Variants in NEDD4L observed in about 807,000 individuals in gnomAD.
NEDD4L encodes the protein NEDD4 like E3 ubiquitin protein ligase.
A neutral mutation model predicts 148.9 loss-of-function variants in NEDD4L; 54 were observed. That is an observed-to-expected ratio of 0.36 (90% CI 0.29 to 0.45). NEDD4L has a LOEUF of 0.45. Among genes scored for constraint, NEDD4L ranks in the 20% least tolerant of loss-of-function variants. The pLI is 1.00. For synonymous variants in NEDD4L, 433 were observed against 440.7 expected, an observed-to-expected ratio of 0.98 and a Z score of 0.22; for missense variants, 856 against 1,233.8, an observed-to-expected ratio of 0.69 and a Z score of 4.59.
At chr18:58,197,427 C>T (rs1020517106) in intron 2 of NEDD4L, among the ~76,000 whole-genome samples, 2 of 152,076 alleles carry the variant, frequency 1.3e-5, no homozygotes, top group Admixed American at 6.5e-5. Flanking sequence ...TCCTGAGACA[C>T]CCCCGTTTGC....
At chr18:58,121,565 T>C (rs2029902428) in intron 1 of NEDD4L, among the ~76,000 whole-genome samples, 1 of 152,090 alleles carries the variant, frequency 6.6e-6, no homozygotes. Flanking sequence ...CCACTACAGC[T>C]GGCTAATTAA....
intron 5 of NEDD4L, among the ~76,000 whole-genome samples, chr18:58,299,219 C>T (rs1251252857): frequency 6.6e-6 from 1 of 152,240 alleles, no homozygotes; most frequent in African/African-American, 2.4e-5. Context: ...ACACTGTGTG[C>T]ATCCCGCATG....
At chr18:58,117,965 C>T (rs1436373719) in intron 1 of NEDD4L, among the ~76,000 whole-genome samples, 6 of 152,190 alleles carry the variant, frequency 3.9e-5, no homozygotes, top group Admixed American at 1.3e-4. Flanking sequence ...TTTTTTAGAA[C>T]AGCTGCTCCA....
intron 5 of NEDD4L, among the ~76,000 whole-genome samples, chr18:58,281,791 C>T (rs1174737464): frequency 2.6e-5 from 4 of 151,784 alleles, no homozygotes; most frequent in Admixed American, 1.3e-4. Context: ...TTTGGGAAGC[C>T]GAGACGGGCG....
intron 1 of NEDD4L, chr18:58,045,058 T>A: frequency 2.5e-6 from 1 of 407,020 alleles, no homozygotes; most frequent in Non-Finnish European, 4.3e-6. Context: ...ACTTTCCGCC[T>A]CTCGCCCCTG....
intron 30 of NEDD4L, among the ~76,000 whole-genome samples, chr18:58,392,958 G>A (rs1021705440): frequency 6.6e-6 from 1 of 152,206 alleles, no homozygotes; most frequent in African/African-American, 2.4e-5. Context: ...TGGGCTGTCA[G>A]AAGGCTGGCC....
chr18:58,285,341 G>A (rs766657613), intron 5 of NEDD4L, among the ~76,000 whole-genome samples: 10 of 152,032 alleles, frequency 6.6e-5, no homozygotes, highest in Non-Finnish European at 1.3e-4. Flanking sequence ...GTGTGTGTGT[G>A]TGTTTGAGAT....
chr18:58,230,413 T>G (rs1257402295), intron 2 of NEDD4L, among the ~76,000 whole-genome samples: 1 of 137,070 alleles, frequency 7.3e-6, no homozygotes, highest in East Asian at 2.5e-4. Flanking sequence ...CTGTGAAGCT[T>G]CTTCTTTTTT....
chr18:58,233,396 A>G (rs1181097089), intron 2 of NEDD4L, among the ~76,000 whole-genome samples: 1 of 152,220 alleles, frequency 6.6e-6, no homozygotes, highest in Non-Finnish European at 1.5e-5. Context: ...GGCACATCTT[A>G]CATGGCGGCA....
intron 14 of NEDD4L, 41 bp downstream of exon 14, chr18:58,341,210 A>G (rs1276559887): frequency 6.2e-7 from 1 of 1,604,066 alleles, no homozygotes. Context: ...CAGGCCATAG[A>G]AGCCGAAATG....
chr18:58,213,674 A>G (rs145911092), intron 2 of NEDD4L, among the ~76,000 whole-genome samples: 140 of 152,166 alleles, frequency 9.2e-4, no homozygotes, highest in African/African-American at 3.1e-3. Context: ...TTTTTTTCCT[A>G]TGAAGGAAGC....
intron 24 of NEDD4L, among the ~76,000 whole-genome samples, chr18:58,381,789 CCAGCCACGAACTGG>C (rs2048374841): frequency 6.6e-6 from 1 of 152,138 alleles, no homozygotes; most frequent in South Asian, 2.1e-4. Context: ...CCTCTGAGAA[CCAGCCACGAACTGG>C]CAGAGTTTCA....
At chr18:58,146,391 G>A (rs1303056276) in intron 1 of NEDD4L, among the ~76,000 whole-genome samples, 7 of 152,126 alleles carry the variant, frequency 4.6e-5, no homozygotes, top group African/African-American at 7.2e-5. Context: ...TGTGGACCAC[G>A]GTGATCCAGG....
At chr18:58,104,858 A>G (rs1387449791) in intron 1 of NEDD4L, among the ~76,000 whole-genome samples, 1 of 133,642 alleles carries the variant, frequency 7.5e-6, no homozygotes, top group Non-Finnish European at 1.6e-5. Context: ...CCGCCCCCCA[A>G]CCAACCCCTC....
At chr18:58,301,269 C>T (rs2056422546) in intron 5 of NEDD4L, among the ~76,000 whole-genome samples, 1 of 152,202 alleles carries the variant, frequency 6.6e-6, no homozygotes, top group African/African-American at 2.4e-5. Flanking sequence ...ACCCCTTCTC[C>T]TCCTCGTGTT....
In NEDD4L at chr18:58,256,832, C is replaced by T. The variant is rs1230385502; in HGVS notation, c.297+4778C>T. On this transcript the variant is annotated intron_variant, in intron 5 of 30. Transcript: ENST00000400345. This position sits in a 1 kb window ranked among gnomAD's most constrained non-coding sequence, Gnocchi z 5.2. The stretch of plus-strand genomic sequence containing the variant: ...GATTTCAACTTCGATGCTTACTCTG[C>T]GGCGTAACCAAAATAAAACCTCACC... The T allele has an allele frequency of 8.2e-7, 1 of 1,213,930 alleles. No individual in the cohort carries two copies. Among genetic ancestry groups the T allele is most frequent in the Non-Finnish European group, 1.0e-6 (1 of 971,796 alleles). The allele number at this position is 1,213,930 out of a possible 1,614,324, so 75.2% of individuals were successfully genotyped here. A position where few individuals can be genotyped will look rare whatever the true frequency, so the allele number is the denominator to read the frequency against.
chr18:58,311,940 C>A (rs1327802228), intron 5 of NEDD4L, among the ~76,000 whole-genome samples: 2 of 152,134 alleles, frequency 1.3e-5, no homozygotes, highest in Non-Finnish European at 2.9e-5. Flanking sequence ...GGCAGCATAC[C>A]CCTCTGCATG....
chr18:58,077,659 G>C (rs2083239069), intron 1 of NEDD4L, among the ~76,000 whole-genome samples: 3 of 152,170 alleles, frequency 2.0e-5, no homozygotes, highest in Non-Finnish European at 4.4e-5. Context: ...GCTCCCAAGT[G>C]CTTCTTGTGA....
intron 5 of NEDD4L, among the ~76,000 whole-genome samples, chr18:58,295,691 G>A (rs1033990920): frequency 1.3e-5 from 2 of 152,092 alleles, no homozygotes; most frequent in South Asian, 2.1e-4. Flanking sequence ...TTAGAGTGCC[G>A]TGCTGCGTGC....
Sources: allele counts gnomAD v4.1 joint callset (sites outside exome capture counted in the v4.1 genomes callset), GRCh38; gene constraint gnomAD v4.1.1; non-coding constraint Gnocchi (gnomAD v3.1); transcripts MANE v1.5; gene names NCBI Gene and HGNC (gene_info 2026-07-23, HGNC 2026-07-21).